The following PHIP variants were observed in gnomAD, a reference collection of about 807,000 sequenced individuals.
PHIP encodes PH-interacting protein.
PHIP carries 54 observed loss-of-function variants against 236.8 expected under a neutral mutation model. The observed-to-expected ratio is 0.23, with a 90% CI of 0.18 to 0.29. The LOEUF is 0.29. PHIP is among the 10% of genes least tolerant of loss of function. The probability of loss-of-function intolerance (pLI) is 1.00; values close to 1 mark genes in which losing one functional copy is unlikely to be tolerated. For synonymous variants in PHIP, 756 were observed against 718.9 expected (o/e 1.05, Z -0.83); for missense variants, 1,370 against 2,190.8 (o/e 0.63, Z 7.48).
chr6:79,025,380 TAA>T, intron 9 of PHIP, 137 bp downstream of exon 9: 1 of 576,968 alleles, frequency 1.7e-6, no homozygotes, highest in African/African-American at 1.9e-5. Flanking sequence ...AACAGGTTAG[TAA>T]AGAGCCAAAA....
intron 22 of PHIP, among the ~76,000 whole-genome samples, chr6:78,984,423 T>C (rs1356060452): frequency 6.6e-6 from 1 of 151,078 alleles, no homozygotes; most frequent in East Asian, 2.0e-4. Flanking sequence ...TCTGGAGTAC[T>C]TGGCTCTTAC....
intron 7 of PHIP, among the ~76,000 whole-genome samples, chr6:79,042,002 C>T (rs959478566): frequency 1.3e-5 from 2 of 151,990 alleles, no homozygotes; most frequent in African/African-American, 2.4e-5. Flanking sequence ...CAGCTGCTCT[C>T]TTCAAAGACA....
At chr6:78,946,356 T>C (rs1047261459) in intron 37 of PHIP, 96 bp from the exon 38 acceptor site, 56 of 1,418,084 alleles carry the variant, frequency 3.9e-5, no homozygotes, top group African/African-American at 5.8e-5. Flanking sequence ...TGTACTATTA[T>C]GAAATATGTT....
At chr6:79,070,226 T>C (rs1056040603) in intron 4 of PHIP, among the ~76,000 whole-genome samples, 2 of 152,184 alleles carry the variant, frequency 1.3e-5, no homozygotes, top group African/African-American at 2.4e-5. Flanking sequence ...ATTTTAAAAT[T>C]CTCTTTAAAG....
chr6:78,958,529 CT>C lies in PHIP; in HGVS notation c.3727del (p.Ser1243AlafsTer4). ...HNTRTFNEPG[S>X]PIVKSAKFVT... Reference sequence around the variant, plus strand: ...GAATTTAGCAGATTTCACAATAGGGCTTCCAGGCTCATTAAATGTTCGTGTA... The same window carrying C: ...GAATTTAGCAGATTTCACAATAGGGCTCCAGGCTCATTAAATGTTCGTGTA... On this transcript the variant is annotated frameshift_variant, in exon 32 of 40. Coordinates refer to ENST00000275034, the MANE Select transcript of PHIP (RefSeq NM_017934.7). LOFTEE classifies it high-confidence loss of function. 6.4e-7 allele frequency: 1 copy of C among 1,570,204 alleles called. No homozygotes were observed. The highest frequency in any genetic ancestry group is 8.8e-7 in the Non-Finnish European group (1 of 1,140,806).
Position 78,998,410 on chromosome 6 carries a change from A to G in PHIP, c.1880-19T>C. 1 of 1,606,964 alleles carries G rather than the reference A, an allele frequency of 6.2e-7. No individual in the cohort carries two copies. The highest frequency in any genetic ancestry group is 8.5e-7 in the Non-Finnish European group (1 of 1,174,896). On this transcript the variant is annotated intron_variant, in intron 17 of 39. Coordinates refer to ENST00000275034, the MANE Select transcript of PHIP (RefSeq NM_017934.7). ...TTCAGTCCTATACAATACCACACAA[A>G]ATATTACGAATATTTTAGCTACTAT...
At chr6:78,978,928 C>G (rs1047526165) in intron 23 of PHIP, among the ~76,000 whole-genome samples, 1 of 151,990 alleles carries the variant, frequency 6.6e-6, no homozygotes, top group Non-Finnish European at 1.5e-5. Flanking sequence ...CCACAAAGTT[C>G]CAACAGGCAA....
intron 6 of PHIP, among the ~76,000 whole-genome samples, chr6:79,049,113 AG>A (rs1772658745): frequency 6.6e-6 from 1 of 151,226 alleles, no homozygotes; most frequent in South Asian, 2.1e-4. Context: ...TCTGTCGTAC[AG>A]GCTGGAGTAT....
rs546655599 is a variant in PHIP, at chr6:78,937,994, A to G, written c.*2699T>C. ...TATTGCTTACCTAAGACAACTGCCA[A>G]TATTTCTTTCTGGCCTATTAACAGT... is the stretch of plus-strand genomic sequence containing the variant. On this transcript the variant is annotated 3_prime_UTR_variant, in exon 40 of 40. Coordinates refer to ENST00000275034, the MANE Select transcript of PHIP (RefSeq NM_017934.7). The G allele has an allele frequency of 2.6e-4, 40 of 151,806 alleles. 1 individual carries two copies. In the South Asian group the frequency reaches 8.1e-3, roughly 31 times the overall value. 9.4% of individuals were successfully genotyped at this position (151,806 alleles called of 1,614,324 possible).
At chr6:79,038,221 C>T (rs1200437452) in intron 7 of PHIP, among the ~76,000 whole-genome samples, 1 of 152,222 alleles carries the variant, frequency 6.6e-6, no homozygotes, top group East Asian at 1.9e-4. Context: ...TTATTACTCA[C>T]AGTTCTGGAG....
intron 19 of PHIP, among the ~76,000 whole-genome samples, chr6:78,996,918 A>G (rs574070096): frequency 6.6e-6 from 1 of 152,074 alleles, no homozygotes; most frequent in South Asian, 2.1e-4. Flanking sequence ...GTCTAAGAGA[A>G]TAGAATTTTA....
chr6:78,947,782 G>A lies in PHIP; in HGVS notation c.4054-7C>T, dbSNP rs535565630. ...CAATGATGTCTCTGTAGTCCTAGGA[G>A]AGGGAAAACAGGTGGTGTTATGATT... On this transcript the variant is annotated splice_polypyrimidine_tract_variant and splice_region_variant and intron_variant, in intron 35 of 39. Transcript: ENST00000275034. 1.9e-5 allele frequency: 30 copies of A among 1,595,614 alleles called. No homozygotes were observed. The East Asian group carries it at 5.2e-4, about 27-fold the overall frequency.
At chr6:78,965,785 T>G in intron 28 of PHIP, 21 bp from the exon 29 acceptor site, 1 of 1,408,622 alleles carries the variant, frequency 7.1e-7, no homozygotes, top group South Asian at 1.2e-5. Context: ...GAAAAATCAT[T>G]ATATTAAAAA....
In PHIP at chr6:79,019,131, G is replaced by A. The variant is rs2127743446; in HGVS notation, c.952C>T (p.Pro318Ser). 1 of 1,612,606 alleles carries A rather than the reference G, an allele frequency of 6.2e-7. No homozygotes were observed. Among genetic ancestry groups the A allele is most frequent in the Non-Finnish European group, 8.5e-7 (1 of 1,178,930 alleles). ...CAGATCATTTGAACTCCAGGCCGAG[G>A]GCGCTCTGTAAATTTTGCAGGTCTT... ...NPRPAKFTER[P>S]RPGVQMICSS... Residue 318 changes from proline to serine, a missense_variant, in exon 10 of 40, where the codon CCT (proline) becomes TCT (serine). This residue lies in a region of PHIP where 188 missense variants were observed against 354.3 expected (regional missense o/e 0.53). Transcript: ENST00000275034.
chr6:78,988,153 T>C, intron 21 of PHIP, 56 bp downstream of exon 21: 1 of 1,279,414 alleles, frequency 7.8e-7, no homozygotes, highest in Non-Finnish European at 1.1e-6. Context: ...ATGAAACTCA[T>C]ATTTAAAAAA....
At chr6:78,990,543 A>G (rs1263427534) in intron 20 of PHIP, among the ~76,000 whole-genome samples, 1 of 152,178 alleles carries the variant, frequency 6.6e-6, no homozygotes, top group African/African-American at 2.4e-5. Flanking sequence ...AAAACATAAC[A>G]AAATGCTATT....
chr6:79,052,455 G>C (rs2152951), intron 6 of PHIP, among the ~76,000 whole-genome samples: 1 of 151,930 alleles, frequency 6.6e-6, no homozygotes, highest in Non-Finnish European at 1.5e-5. Context: ...TTCTAAGCTA[G>C]GTTAGGTATT....
At chr6:79,063,609 G>A (rs745409347) in intron 4 of PHIP, among the ~76,000 whole-genome samples, 1 of 152,110 alleles carries the variant, frequency 6.6e-6, no homozygotes, top group African/African-American at 2.4e-5. Flanking sequence ...TAGAGACGGG[G>A]TTTTGCCATG....
At chr6:79,042,758 GC>G in intron 7 of PHIP, 84 bp downstream of exon 7, 1 of 991,822 alleles carries the variant, frequency 1.0e-6, no homozygotes, top group Non-Finnish European at 1.4e-6. Flanking sequence ...AGAAAAAAAA[GC>G]AAGGTTTTAC....
Sources: allele counts gnomAD v4.1 joint callset (sites outside exome capture counted in the v4.1 genomes callset), GRCh38; gene constraint gnomAD v4.1.1; regional missense constraint gnomAD v4.1.1; transcripts MANE v1.5; gene names NCBI Gene and HGNC (gene_info 2026-07-23, HGNC 2026-07-21).